DIP2C: variants seen among roughly 807,000 people sequenced by gnomAD.
DIP2C encodes disco-interacting protein 2 homolog C.
Under a neutral mutation model 192.4 loss-of-function variants are expected in DIP2C, and 33 were observed. That is an observed-to-expected ratio of 0.17 (90% CI 0.13 to 0.23). The LOEUF (loss-of-function observed/expected upper bound fraction) is 0.23, where lower values mean the gene tolerates loss of function less well. DIP2C is among the 10% of genes least tolerant of loss of function. The pLI is 1.00. For missense variants in DIP2C, 1,537 were observed against 2,110.1 expected (o/e 0.73, Z 5.32); for synonymous variants, 979 against 864.1 (o/e 1.13, Z -2.33).
chr10:659,664 A>C (rs1158102371), intron 1 of DIP2C, among the ~76,000 whole-genome samples: 1 of 152,270 alleles, frequency 6.6e-6, no homozygotes, highest in Non-Finnish European at 1.5e-5. Flanking sequence ...AGTCAGAGTC[A>C]GCAAAGATAT....
At chr10:427,850 G>A (rs1235446328) in intron 4 of DIP2C, among the ~76,000 whole-genome samples, 1 of 152,146 alleles carries the variant, frequency 6.6e-6, no homozygotes, top group Non-Finnish European at 1.5e-5. Flanking sequence ...TAAACAATTT[G>A]GCAGTTTTTA....
intron 17 of DIP2C, among the ~76,000 whole-genome samples, chr10:374,391 C>T (rs937239310): frequency 2.6e-5 from 4 of 152,372 alleles, no homozygotes; most frequent in Non-Finnish European, 4.4e-5. Flanking sequence ...AAGCACCTCA[C>T]ACTGGCTGTA....
chr10:554,633 T>C (rs1848748026), intron 1 of DIP2C, among the ~76,000 whole-genome samples: 1 of 152,236 alleles, frequency 6.6e-6, no homozygotes, highest in Non-Finnish European at 1.5e-5. Context: ...CACTGCCCTG[T>C]TCCCAGATGA....
At chr10:581,571 T>G (rs1850665623) in intron 1 of DIP2C, among the ~76,000 whole-genome samples, 1 of 152,194 alleles carries the variant, frequency 6.6e-6, no homozygotes, top group Non-Finnish European at 1.5e-5. Context: ...TTTAATGTAT[T>G]TTTGGTAAAG....
chr10:429,014 C>CTT (rs1225519463), intron 4 of DIP2C, among the ~76,000 whole-genome samples: 1 of 152,082 alleles, frequency 6.6e-6, no homozygotes, highest in Non-Finnish European at 1.5e-5. Flanking sequence ...GAGTGGTATA[C>CTT]TTGTCACAAC....
chr10:689,482 G>A lies in DIP2C; in HGVS notation c.85+12C>T. ...GACAGCGCGGCCCGGCCCGGGGCGG[G>A]GGCCCGGTTACCTTCCGACAGCTCC... On this transcript the variant is annotated intron_variant, in intron 1 of 36. Transcript: ENST00000280886. The surrounding 1 kb of genome is among the most constrained non-coding windows in gnomAD (Gnocchi z 6.1). 1 of 1,208,620 alleles carries A rather than the reference G, an allele frequency of 8.3e-7. No homozygotes were observed. Among genetic ancestry groups the A allele is most frequent in the Non-Finnish European group, 1.0e-6 (1 of 957,266 alleles). The allele number at this position is 1,208,620 out of a possible 1,614,324, so 74.9% of individuals were successfully genotyped here. A position where few individuals can be genotyped will look rare whatever the true frequency, so the allele number is the denominator to read the frequency against.
chr10:378,871 C>T (rs144034210), intron 17 of DIP2C, among the ~76,000 whole-genome samples: 1 of 149,768 alleles, frequency 6.7e-6, no homozygotes, highest in Non-Finnish European at 1.5e-5. Flanking sequence ...ACAGACATGC[C>T]TAGACACACG....
At chr10:553,811 G>A (rs1848703815) in intron 1 of DIP2C, among the ~76,000 whole-genome samples, 1 of 151,938 alleles carries the variant, frequency 6.6e-6, no homozygotes, top group Non-Finnish European at 1.5e-5. Context: ...CTGTAAGAGT[G>A]GCGAACAGGC....
chr10:396,775 G>A (rs1320698434), intron 10 of DIP2C, among the ~76,000 whole-genome samples: 5 of 150,514 alleles, frequency 3.3e-5, no homozygotes, highest in African/African-American at 4.9e-5. Context: ...AGCACCTCAC[G>A]GGAAGTCTGA....
intron 1 of DIP2C, among the ~76,000 whole-genome samples, chr10:578,822 GCA>G (rs937114532): frequency 6.6e-6 from 1 of 151,810 alleles, no homozygotes; most frequent in African/African-American, 2.4e-5. Context: ...TGCATAGAGA[GCA>G]CACACATCCA....
At chr10:587,107 ATAGCG>A (rs975929226) in intron 1 of DIP2C, among the ~76,000 whole-genome samples, 1 of 150,768 alleles carries the variant, frequency 6.6e-6, no homozygotes, top group African/African-American at 2.4e-5. Flanking sequence ...ATCCCTGCTG[ATAGCG>A]TGGCGAGGGG....
intron 13 of DIP2C, among the ~76,000 whole-genome samples, chr10:389,015 T>A (rs1963230583): frequency 7.0e-6 from 1 of 141,848 alleles, no homozygotes; most frequent in Non-Finnish European, 1.5e-5. Context: ...GCCACGGGGA[T>A]TCTCTGGGGG....
intron 3 of DIP2C, among the ~76,000 whole-genome samples, chr10:467,578 A>AAAG (rs1554868315): frequency 7.3e-5 from 11 of 151,628 alleles, no homozygotes; most frequent in African/African-American, 2.4e-4. Context: ...AAAAAAAAAA[A>AAAG]AAAGAAAATG....
chr10:280,477 G>T (rs944946728), intron 36 of DIP2C, among the ~76,000 whole-genome samples: 3 of 151,860 alleles, frequency 2.0e-5, no homozygotes, highest in Admixed American at 2.0e-4. Context: ...CCAATCTAAA[G>T]GCACTGAACA....
chr10:538,936 T>A (rs1847837255), intron 1 of DIP2C, among the ~76,000 whole-genome samples: 1 of 151,402 alleles, frequency 6.6e-6, no homozygotes. Flanking sequence ...GAACCTCAGT[T>A]GTGAGTTGTC....
intron 1 of DIP2C, among the ~76,000 whole-genome samples, chr10:581,393 C>CAA (rs968342488): frequency 6.6e-6 from 1 of 152,000 alleles, no homozygotes; most frequent in Non-Finnish European, 1.5e-5. Flanking sequence ...TCTAGGAATA[C>CAA]AAAAGTCAAG....
rs532603355 is a variant in DIP2C at position 316,501 on chromosome 10, C to T, written c.3925-6409G>A. 3.3e-5 allele frequency among the ~76,000 whole-genome samples: 5 copies of T among 152,308 alleles called. No individual in the cohort carries two copies. In the East Asian group the frequency reaches 9.7e-4, roughly 29 times the overall value. The stretch of plus-strand genomic sequence containing the variant: ...TGCCACACTCCCAGCCTTTGGAAGG[C>T]AAATACGTTACACATGGTGAAGGGC... On this transcript the variant is annotated intron_variant, in intron 31 of 36. Coordinates refer to ENST00000280886, the MANE Select transcript of DIP2C (RefSeq NM_014974.3).
At chr10:495,310 TAC>T (rs889305578) in intron 1 of DIP2C, among the ~76,000 whole-genome samples, 1 of 152,170 alleles carries the variant, frequency 6.6e-6, no homozygotes, top group Admixed American at 6.5e-5. Context: ...GTGTGGTAAC[TAC>T]AGTTAATAAC....
intron 28 of DIP2C, among the ~76,000 whole-genome samples, chr10:343,498 G>A (rs1308503923): frequency 6.6e-6 from 1 of 152,192 alleles, no homozygotes; most frequent in East Asian, 1.9e-4. Flanking sequence ...AGTTCTGCCT[G>A]GGAGAAGGTT....
Sources: gnomAD v4.1 joint callset for allele counts (sites outside exome capture counted in the v4.1 genomes callset) on GRCh38, gnomAD v4.1.1 for gene constraint, Gnocchi (gnomAD v3.1) non-coding constraint, MANE v1.5 for transcripts, NCBI Gene and HGNC (gene_info 2026-07-23, HGNC 2026-07-21) for gene names.